BCKDHB: variants seen among roughly 807,000 people sequenced by gnomAD.
BCKDHB encodes branched chain keto acid dehydrogenase E1 subunit beta.
In BCKDHB, 41 loss-of-function variants were observed where a neutral mutation model predicts 48.5. That is an observed-to-expected ratio of 0.85 (90% CI 0.66 to 1.10). BCKDHB has a LOEUF of 1.10. Among genes scored for constraint, BCKDHB ranks in the 50% least tolerant of loss-of-function variants. BCKDHB has a pLI of 0.00. For synonymous variants in BCKDHB, 201 were observed against 174.8 expected, an observed-to-expected ratio of 1.15 and a Z score of -1.18; for missense variants, 496 against 494.2, an observed-to-expected ratio of 1.00 and a Z score of -0.03.
At chr6:80,321,015 A>G (rs1768686850) in intron 9 of BCKDHB, among the ~76,000 whole-genome samples, 1 of 152,228 alleles carries the variant, frequency 6.6e-6, no homozygotes, top group Admixed American at 6.5e-5. Flanking sequence ...CCAGTAAAAA[A>G]TACCAAGAAC....
At chr6:80,136,480 T>G (rs1770890485) in intron 3 of BCKDHB, among the ~76,000 whole-genome samples, 1 of 152,114 alleles carries the variant, frequency 6.6e-6, no homozygotes, top group Non-Finnish European at 1.5e-5. Flanking sequence ...GATCACAGAC[T>G]TAAATGTAAA....
In BCKDHB at chr6:80,107,528, T is replaced by C. The variant is rs1293838162; in HGVS notation, c.196+639T>C. ...ATATATGTGCGCATATATATATATA[T>C]GCATATATATATATGCACACATATA... On this transcript the variant is annotated intron_variant, in intron 1 of 9. Transcript: ENST00000320393. Among the ~76,000 whole-genome samples the C allele has an allele frequency of 2.0e-4, 23 of 113,894 alleles. 1 individual carries two copies. The highest frequency in any genetic ancestry group is 7.5e-4 in the African/African-American group (22 of 29,188). 74.7% of individuals were successfully genotyped at this position (113,894 alleles called of 152,430 possible). A position where few individuals can be genotyped will look rare whatever the true frequency, so the allele number is the denominator to read the frequency against.
At position 80,315,094 on chromosome 6, in the gene BCKDHB, G is replaced by A. The variant is rs535332045; in HGVS notation, c.1039-28570G>A. Among the ~76,000 whole-genome samples, 7 of 152,252 alleles carry A rather than the reference G, an allele frequency of 4.6e-5. No individual in the cohort carries two copies. The South Asian group carries it at 1.5e-3, about 32-fold the overall frequency. ...CTGGGTCTTATCTTGTGAGGAAATGGGGCCTGTAGAACTGACACTGCTCAG... is the reference window on the plus strand; with the variant it reads ...CTGGGTCTTATCTTGTGAGGAAATGAGGCCTGTAGAACTGACACTGCTCAG... On this transcript the variant is annotated intron_variant, in intron 9 of 9. Coordinates refer to ENST00000320393, the MANE Select transcript of BCKDHB (RefSeq NM_183050.4).
intron 1 of BCKDHB, among the ~76,000 whole-genome samples, chr6:80,126,158 G>A (rs952909132): frequency 2.6e-5 from 4 of 152,188 alleles, no homozygotes; most frequent in Non-Finnish European, 5.9e-5. Flanking sequence ...AGTAGAAACA[G>A]GCTATGATTG....
intron 3 of BCKDHB, among the ~76,000 whole-genome samples, chr6:80,150,291 T>C (rs1771707347): frequency 6.6e-6 from 1 of 152,144 alleles, no homozygotes; most frequent in Non-Finnish European, 1.5e-5. Flanking sequence ...TTTTCAACCA[T>C]GTATTTACTT....
chr6:80,126,100 TATAAA>T (rs1206258066), intron 1 of BCKDHB, among the ~76,000 whole-genome samples: 1 of 152,158 alleles, frequency 6.6e-6, no homozygotes, highest in African/African-American at 2.4e-5. Context: ...CCATAAGTGA[TATAAA>T]ATAATATTTG....
intron 9 of BCKDHB, among the ~76,000 whole-genome samples, chr6:80,321,600 A>T (rs960190249): frequency 1.3e-5 from 2 of 152,276 alleles, no homozygotes; most frequent in African/African-American, 2.4e-5. Flanking sequence ...CATGCCCATA[A>T]CTTATTTTTC....
chr6:80,115,387 G>T (rs1769634681), intron 1 of BCKDHB, among the ~76,000 whole-genome samples: 1 of 152,136 alleles, frequency 6.6e-6, no homozygotes, highest in Admixed American at 6.5e-5. Flanking sequence ...TGAAGTAGAT[G>T]CTGGCTAACT....
At chr6:80,132,498 T>C (rs1235520848) in intron 3 of BCKDHB, among the ~76,000 whole-genome samples, 1 of 152,196 alleles carries the variant, frequency 6.6e-6, no homozygotes, top group African/African-American at 2.4e-5. Context: ...ACATTAATTA[T>C]TTAGGTTGGT....
chr6:80,451,741 A>G, the BCKDHB span, among the ~76,000 whole-genome samples: 4 of 152,062 alleles, frequency 2.6e-5, no homozygotes, highest in Non-Finnish European at 2.9e-5. Context: ...AAGAAAAAAA[A>G]AAAAAAGAAA....
chr6:80,345,336 C>G lies in BCKDHB; in HGVS notation c.*1532C>G, dbSNP rs1770146935. ...AACTATGCTTTTTCAAAAGCAAAAT[C>G]AACTCTGTATAATAGCACATTCTCT... is the stretch of plus-strand genomic sequence containing the variant. On this transcript the variant is annotated 3_prime_UTR_variant, in exon 10 of 10. Coordinates refer to ENST00000320393, the MANE Select transcript of BCKDHB (RefSeq NM_183050.4). 6.6e-6 allele frequency: 1 copy of G among 152,082 alleles called. No individual in the cohort carries two copies. The highest frequency in any genetic ancestry group is 1.5e-5 in the Non-Finnish European group (1 of 68,004). The allele number at this position is 152,082 out of a possible 1,614,324, so 9.4% of individuals were successfully genotyped here.
chr6:80,273,716 T>TA (rs1341516323), intron 9 of BCKDHB, among the ~76,000 whole-genome samples: 1 of 152,034 alleles, frequency 6.6e-6, no homozygotes, highest in Non-Finnish European at 1.5e-5. Flanking sequence ...TTATTTTAGT[T>TA]ATTCAAATTA....
At chr6:80,387,656 G>C in the BCKDHB span, among the ~76,000 whole-genome samples, 1 of 152,242 alleles carries the variant, frequency 6.6e-6, no homozygotes, top group Non-Finnish European at 1.5e-5. Flanking sequence ...CTTGGCAAAT[G>C]CCTTTTTCTC....
At position 80,286,427 on chromosome 6, in the gene BCKDHB, T is replaced by C. The variant is rs1404877754; in HGVS notation, c.1038+13206T>C. ...CTCAAAATTGGGACAAAATATTTTG[T>C]TTATTGATGAAGACACATTTAGTTA... On this transcript the variant is annotated intron_variant, in intron 9 of 9. Coordinates refer to ENST00000320393, the MANE Select transcript of BCKDHB (RefSeq NM_183050.4). Among the ~76,000 whole-genome samples the C allele has an allele frequency of 2.6e-5, 4 of 152,338 alleles. 1 individual carries two copies. In the East Asian group the frequency reaches 7.7e-4, roughly 29 times the overall value.
the BCKDHB span, among the ~76,000 whole-genome samples, chr6:80,433,903 T>C: frequency 6.6e-6 from 1 of 152,172 alleles, no homozygotes; most frequent in Admixed American, 6.6e-5. Flanking sequence ...ATTTGGAAAT[T>C]TTTTTGGCCA....
the BCKDHB span, among the ~76,000 whole-genome samples, chr6:80,383,700 A>T: frequency 6.6e-6 from 1 of 152,044 alleles, no homozygotes; most frequent in African/African-American, 2.4e-5. Flanking sequence ...GTACATTCAT[A>T]TGGTTCAAAA....
intron 7 of BCKDHB, 118 bp from the exon 8 acceptor site, chr6:80,202,984 A>G: frequency 1.3e-6 from 1 of 761,204 alleles, no homozygotes; most frequent in Non-Finnish European, 2.3e-6. Flanking sequence ...TAAATTCTCC[A>G]TGCAGATCAG....
At chr6:80,334,336 A>AT (rs1769465067) in intron 9 of BCKDHB, among the ~76,000 whole-genome samples, 1 of 152,024 alleles carries the variant, frequency 6.6e-6, no homozygotes, top group Non-Finnish European at 1.5e-5. Flanking sequence ...ATTTCAAGCA[A>AT]TTTTTTCTTA....
the BCKDHB span, among the ~76,000 whole-genome samples, chr6:80,426,194 A>T: frequency 1.3e-5 from 2 of 152,184 alleles, no homozygotes; most frequent in Non-Finnish European, 2.9e-5. Flanking sequence ...TTTTGTATTT[A>T]ATAATAATGC....
Sources: gnomAD v4.1 joint callset for allele counts (sites outside exome capture counted in the v4.1 genomes callset) on GRCh38, gnomAD v4.1.1 for gene constraint, MANE v1.5 for transcripts, NCBI Gene and HGNC (gene_info 2026-07-23, HGNC 2026-07-21) for gene names.